Variants in UGT1A8 observed in about 807,000 individuals in gnomAD.
UGT1A8 encodes UDP glucuronosyltransferase family 1 member A8.
In UGT1A8, 39 loss-of-function variants were observed where a neutral mutation model predicts 45.3. The ratio of observed to expected loss-of-function variants is 0.86; its 90% confidence interval spans 0.67 to 1.12. The LOEUF is 1.12. Among genes scored for constraint, UGT1A8 ranks in the 50% most tolerant of loss-of-function variants. The pLI, the probability that UGT1A8 is intolerant of heterozygous loss-of-function variation, is 0.00. For synonymous variants in UGT1A8, 275 were observed against 249.2 expected, an observed-to-expected ratio of 1.10 and a Z score of -0.97; for missense variants, 719 against 664.9, an observed-to-expected ratio of 1.08 and a Z score of -0.90.
intron 1 of UGT1A8, chr2:233,713,205 G>C: frequency 6.2e-7 from 1 of 1,614,240 alleles, no homozygotes; most frequent in Non-Finnish European, 8.5e-7. Context: ...CATCAAAGAA[G>C]AGAACTTTTT....
rs1033911080 is a variant in UGT1A8 at position 233,629,494 on chromosome 2, T to G, written c.855+10932T>G. On this transcript the variant is annotated intron_variant, in intron 1 of 4. Coordinates refer to ENST00000373450, the MANE Select transcript of UGT1A8 (RefSeq NM_019076.5). Reference sequence around the variant, plus strand: ...GGTTATGGTGTCTAATCTTTTTGTGTAGTACCTATTTTAAAATATTACAGA... The same window carrying G: ...GGTTATGGTGTCTAATCTTTTTGTGGAGTACCTATTTTAAAATATTACAGA... Among the ~76,000 whole-genome samples, 19 of 152,176 alleles carry G rather than the reference T, an allele frequency of 1.2e-4. 1 individual carries two copies. The highest frequency in any genetic ancestry group is 4.6e-4 in the African/African-American group (19 of 41,436).
chr2:233,682,920 T>A, intron 1 of UGT1A8: 2 of 1,475,888 alleles, frequency 1.4e-6, no homozygotes, highest in South Asian at 2.8e-5. Context: ...AAGGAATTCT[T>A]TTGTACCAAT....
chr2:233,760,886 AT>A (rs763109127), intron 1 of UGT1A8: 1 of 1,613,934 alleles, frequency 6.2e-7, no homozygotes, highest in East Asian at 2.2e-5. Context: ...CTCTCCTCTC[AT>A]TCAGATCACA....
In UGT1A8 at chr2:233,714,646, G is replaced by T. The variant is rs2076402815; in HGVS notation, c.856-52388G>T. On this transcript the variant is annotated intron_variant, in intron 1 of 4. Transcript: ENST00000373450. ...AACCACTAAAATTAATGTGAATAAT[G>T]CATTTTATTTAACCAGATGTATCCC... 2.0e-5 allele frequency among the ~76,000 whole-genome samples: 3 copies of T among 152,178 alleles called. No individual in the cohort carries two copies. In the South Asian group the frequency reaches 6.2e-4, roughly 32 times the overall value.
At position 233,772,686 on chromosome 2, in the gene UGT1A8, C is replaced by T. The variant is rs1700541749; in HGVS notation, c.*127C>T. The T allele has an allele frequency of 2.0e-6, 3 of 1,495,122 alleles. No individual in the cohort carries two copies. The highest frequency in any genetic ancestry group is 2.4e-5 in the Admixed American group (1 of 41,056). 92.6% of individuals were successfully genotyped at this position (1,495,122 alleles called of 1,614,324 possible). A position where few individuals can be genotyped will look rare whatever the true frequency, so the allele number is the denominator to read the frequency against. On this transcript the variant is annotated 3_prime_UTR_variant, in exon 5 of 5. Coordinates refer to ENST00000373450, the MANE Select transcript of UGT1A8 (RefSeq NM_019076.5). ...ATACTTTGCATAAATTAATCAGCCCCAGAGTGCTTTAAAAAATTCTCTTAA... is the reference window on the plus strand; with the variant it reads ...ATACTTTGCATAAATTAATCAGCCCTAGAGTGCTTTAAAAAATTCTCTTAA...
At chr2:233,628,477 C>T (rs2125452913) in intron 1 of UGT1A8, among the ~76,000 whole-genome samples, 1 of 152,194 alleles carries the variant, frequency 6.6e-6, no homozygotes, top group African/African-American at 2.4e-5. Flanking sequence ...ATCTTGCAAC[C>T]ATGCTAAACT....
At chr2:233,636,984 C>A in intron 1 of UGT1A8, 1 of 1,614,042 alleles carries the variant, frequency 6.2e-7, no homozygotes, top group Non-Finnish European at 8.5e-7. Flanking sequence ...ATACCTGTGG[C>A]TTAATTGTTG....
intron 1 of UGT1A8, among the ~76,000 whole-genome samples, chr2:233,744,256 G>A (rs1276151413): frequency 2.0e-5 from 3 of 151,770 alleles, no homozygotes; most frequent in Admixed American, 1.3e-4. Context: ...CTGAAGAACT[G>A]TTTTTCTTAA....
intron 1 of UGT1A8, among the ~76,000 whole-genome samples, chr2:233,734,275 T>G (rs2078506327): frequency 6.6e-6 from 1 of 152,188 alleles, no homozygotes; most frequent in Non-Finnish European, 1.5e-5. Context: ...GTCCAGGAAT[T>G]TATCCATTTC....
At chr2:233,643,547 C>T (rs762854117) in intron 1 of UGT1A8, among the ~76,000 whole-genome samples, 2 of 152,106 alleles carry the variant, frequency 1.3e-5, no homozygotes, top group Non-Finnish European at 2.9e-5. Flanking sequence ...TATCCCCCTG[C>T]AGCAGTGTTG....
intron 1 of UGT1A8, among the ~76,000 whole-genome samples, chr2:233,629,033 T>G (rs1180760101): frequency 6.6e-6 from 1 of 152,130 alleles, no homozygotes; most frequent in Non-Finnish European, 1.5e-5. Context: ...TTCACATTGC[T>G]GTGCAACCAA....
intron 1 of UGT1A8, chr2:233,693,349 C>T: frequency 1.2e-6 from 2 of 1,614,196 alleles, no homozygotes; most frequent in East Asian, 4.5e-5. Context: ...ACAGGAATAA[C>T]ATGATTGTTA....
chr2:233,693,260 G>A (rs776937085), intron 1 of UGT1A8: 12 of 1,614,006 alleles, frequency 7.4e-6, no homozygotes, highest in Non-Finnish European at 1.0e-5. Flanking sequence ...TGACCAAGAA[G>A]AGCTGAAGAA....
intron 1 of UGT1A8, among the ~76,000 whole-genome samples, chr2:233,632,131 G>T (rs1390891117): frequency 6.6e-6 from 1 of 152,084 alleles, no homozygotes; most frequent in African/African-American, 2.4e-5. Flanking sequence ...GTTTGTCAAA[G>T]GTCAGATGGT....
chr2:233,719,514 G>T, intron 1 of UGT1A8: 1 of 1,613,922 alleles, frequency 6.2e-7, no homozygotes, highest in Non-Finnish European at 8.5e-7. Context: ...TGCCCCTTAT[G>T]CAAGTCTTGC....
intron 1 of UGT1A8, among the ~76,000 whole-genome samples, chr2:233,739,476 A>T (rs913646200): frequency 6.6e-6 from 1 of 152,224 alleles, no homozygotes; most frequent in African/African-American, 2.4e-5. Flanking sequence ...AGACCGTGGG[A>T]GCCCATTTCT....
At position 233,769,699 on chromosome 2, in the gene UGT1A8, A is replaced by G. The variant is rs1699920777; in HGVS notation, c.1295+1260A>G. On this transcript the variant is annotated intron_variant, in intron 4 of 4. Transcript: ENST00000373450. The surrounding 1 kb of genome is among the most constrained non-coding windows in gnomAD (Gnocchi z 4.4). ...TGTGTGTGGTGGCACTGGATAAAAG[A>G]TCAATGTTGGCTAGGCACCATGGCA... 4 of 1,529,942 alleles carry G rather than the reference A, an allele frequency of 2.6e-6. No individual in the cohort carries two copies. The South Asian group carries it at 3.8e-5, about 14-fold the overall frequency. 94.8% of individuals were successfully genotyped at this position (1,529,942 alleles called of 1,614,324 possible). A position where few individuals can be genotyped will look rare whatever the true frequency, so the allele number is the denominator to read the frequency against.
intron 1 of UGT1A8, chr2:233,753,714 C>T (rs1422893106): frequency 1.3e-5 from 2 of 152,222 alleles, no homozygotes; most frequent in Non-Finnish European, 2.9e-5. Flanking sequence ...TTTCATCAAC[C>T]TAATTTGATA....
At position 233,622,351 on chromosome 2, in the gene UGT1A8, G is replaced by A. The variant is rs1290548233; in HGVS notation, c.855+3789G>A. On this transcript the variant is annotated intron_variant, in intron 1 of 4. Coordinates refer to ENST00000373450, the MANE Select transcript of UGT1A8 (RefSeq NM_019076.5). ...AACTAATTTACACTCCCACCAACAG[G>A]GTAAAAGCGTTCCTATTTCTCCACA... 2.0e-5 allele frequency among the ~76,000 whole-genome samples: 3 copies of A among 151,698 alleles called. No individual in the cohort carries two copies. The South Asian group carries it at 6.3e-4, about 32-fold the overall frequency.
Sources: allele counts gnomAD v4.1 joint callset (sites outside exome capture counted in the v4.1 genomes callset), GRCh38; gene constraint gnomAD v4.1.1; non-coding constraint Gnocchi (gnomAD v3.1); transcripts MANE v1.5; gene names NCBI Gene and HGNC (gene_info 2026-07-23, HGNC 2026-07-21).